The following LRRC4C variants were observed in gnomAD, a reference collection of about 807,000 sequenced individuals.
LRRC4C encodes the protein leucine rich repeat containing 4C, also known as leucine-rich repeat-containing protein 4C.
In LRRC4C, 5 loss-of-function variants were observed where a neutral mutation model predicts 33.6. That is an observed-to-expected ratio of 0.15 (90% CI 0.08 to 0.31). The LOEUF (loss-of-function observed/expected upper bound fraction) is 0.31, where lower values mean the gene tolerates loss of function less well. Among genes scored for constraint, LRRC4C ranks in the 10% least tolerant of loss-of-function variants. LRRC4C has a pLI of 1.00. For missense variants in LRRC4C, 560 were observed against 796.7 expected (o/e 0.70, Z 3.58); for synonymous variants, 329 against 302.0 (o/e 1.09, Z -0.93).
intron 3 of LRRC4C, among the ~76,000 whole-genome samples, chr11:40,517,439 C>T (rs553377856): frequency 7.8e-4 from 119 of 152,202 alleles, no homozygotes; most frequent in Admixed American, 2.2e-3. Flanking sequence ...AAGAGGACAG[C>T]GGAAATTTCA....
chr11:40,674,237 CA>C lies in LRRC4C; in HGVS notation c.-406-25960del, dbSNP rs111282264. Among the ~76,000 whole-genome samples the C allele has an allele frequency of 8.6e-3, 1,312 of 152,124 alleles. 13 individuals carry two copies. The highest frequency in any genetic ancestry group is 0.027 in the Middle Eastern group (8 of 294). ...GATGATGTGAGACTAGACTAAATGTCAAAAAAACTACCCAGCTTTTATATCA... is the reference window on the plus strand; with the variant it reads ...GATGATGTGAGACTAGACTAAATGTCAAAAAACTACCCAGCTTTTATATCA... On this transcript the variant is annotated intron_variant, in intron 2 of 6. Coordinates refer to ENST00000528697, the MANE Select transcript of LRRC4C (RefSeq NM_001258419.2).
intron 1 of LRRC4C, among the ~76,000 whole-genome samples, chr11:40,964,639 T>C (rs1331914270): frequency 1.3e-5 from 2 of 151,552 alleles, no homozygotes; most frequent in African/African-American, 4.8e-5. Context: ...TTTGTCCTTG[T>C]GATAGTTTGC....
chr11:40,967,071 AT>A (rs1380903897), intron 1 of LRRC4C, among the ~76,000 whole-genome samples: 4 of 152,028 alleles, frequency 2.6e-5, no homozygotes, highest in African/African-American at 9.7e-5. Context: ...AAATAAAGAC[AT>A]TTATCATTCA....
intron 2 of LRRC4C, among the ~76,000 whole-genome samples, chr11:40,739,003 G>T (rs1210086128): frequency 2.2e-5 from 3 of 134,540 alleles, no homozygotes; most frequent in African/African-American, 8.3e-5. Flanking sequence ...GCACATAATT[G>T]CTATTGTGTG....
intron 1 of LRRC4C, among the ~76,000 whole-genome samples, chr11:41,014,891 A>T (rs187743543): frequency 2.2e-4 from 34 of 152,324 alleles, no homozygotes; most frequent in Admixed American, 1.8e-3. Flanking sequence ...ACTCGGATGT[A>T]GACACGTAAC....
At chr11:41,432,131 G>C (rs1460717768) in intron 1 of LRRC4C, among the ~76,000 whole-genome samples, 2 of 152,154 alleles carry the variant, frequency 1.3e-5, no homozygotes, top group African/African-American at 4.8e-5. Context: ...AAAGGAGACA[G>C]TAGATAATAA....
chr11:40,771,840 C>G (rs762393861), intron 2 of LRRC4C, among the ~76,000 whole-genome samples: 2 of 152,132 alleles, frequency 1.3e-5, no homozygotes. Flanking sequence ...GCATTTTAGT[C>G]AAAGCCATTC....
At chr11:40,433,839 G>A (rs929062121) in intron 3 of LRRC4C, among the ~76,000 whole-genome samples, 1 of 149,958 alleles carries the variant, frequency 6.7e-6, no homozygotes, top group Admixed American at 6.6e-5. Context: ...TCCTGCAAAT[G>A]AGGAGAAGAA....
chr11:41,322,359 A>G (rs1391423647), intron 1 of LRRC4C, among the ~76,000 whole-genome samples: 13 of 152,096 alleles, frequency 8.5e-5, no homozygotes. Flanking sequence ...TACCCTCTGC[A>G]AAATTGTAAT....
rs76552806 is a variant in LRRC4C at position 40,434,657 on chromosome 11, T to C, written c.-269-114936A>G. ...AGACCTACACTTATCTTTTCTGCTA[T>C]ATCTGCAGGCTCCATGCACAGTTGT... On this transcript the variant is annotated intron_variant, in intron 3 of 6. Coordinates refer to ENST00000528697, the MANE Select transcript of LRRC4C (RefSeq NM_001258419.2). Among the ~76,000 whole-genome samples, 171 of 152,352 alleles carry C rather than the reference T, an allele frequency of 1.1e-3. 6 individuals are homozygous for C. In the East Asian group the frequency reaches 0.028, roughly 25 times the overall value.
intron 1 of LRRC4C, among the ~76,000 whole-genome samples, chr11:41,233,974 T>G (rs933631598): frequency 6.6e-6 from 1 of 151,832 alleles, no homozygotes; most frequent in African/African-American, 2.4e-5. Context: ...AAGCTTTTTT[T>G]TTTTTTTAAG....
Position 40,234,589 on chromosome 11 carries a change from T to C in LRRC4C, c.-96+6930A>G, listed in dbSNP as rs546116212. Among the ~76,000 whole-genome samples, 4 of 152,222 alleles carry C rather than the reference T, an allele frequency of 2.6e-5. No individual in the cohort carries two copies. The East Asian group carries it at 7.7e-4, about 29-fold the overall frequency. On this transcript the variant is annotated intron_variant, in intron 5 of 6. Transcript: ENST00000528697. ...TTCTAGAGCAGCCTGGGTGACATAG[T>C]GAGACCCCATCTCTACCAAAAAATT...
intron 1 of LRRC4C, among the ~76,000 whole-genome samples, chr11:41,280,402 A>G (rs1301825049): frequency 1.3e-5 from 2 of 152,192 alleles, no homozygotes; most frequent in African/African-American, 4.8e-5. Flanking sequence ...CTATTCACCA[A>G]GAAGGCTAAT....
At chr11:40,410,825 A>G (rs1286164577) in intron 3 of LRRC4C, among the ~76,000 whole-genome samples, 2 of 152,154 alleles carry the variant, frequency 1.3e-5, no homozygotes, top group African/African-American at 4.8e-5. Flanking sequence ...TTTTTGCTAT[A>G]GAGATAATTT....
At chr11:40,496,760 T>C (rs927123787) in intron 3 of LRRC4C, among the ~76,000 whole-genome samples, 5 of 152,170 alleles carry the variant, frequency 3.3e-5, no homozygotes, top group African/African-American at 1.2e-4. Context: ...AGATGAGTGA[T>C]GGTTAGGGTT....
chr11:41,444,874 G>A (rs1163368175), intron 1 of LRRC4C, among the ~76,000 whole-genome samples: 1 of 151,062 alleles, frequency 6.6e-6, no homozygotes. Flanking sequence ...CATGATCTCA[G>A]CTCACTGCAA....
chr11:40,826,378 T>C (rs1156468246), intron 2 of LRRC4C, among the ~76,000 whole-genome samples: 2 of 151,940 alleles, frequency 1.3e-5, no homozygotes, highest in Non-Finnish European at 2.9e-5. Flanking sequence ...CACCAATTAC[T>C]GTGAATAGAG....
intron 1 of LRRC4C, among the ~76,000 whole-genome samples, chr11:41,438,443 T>C (rs1332212482): frequency 6.6e-6 from 1 of 152,206 alleles, no homozygotes; most frequent in Non-Finnish European, 1.5e-5. Flanking sequence ...ACTGAGATGG[T>C]GACCTTGTAG....
At position 41,155,028 on chromosome 11, in the gene LRRC4C, G is replaced by T. The variant is rs12290949; in HGVS notation, c.-495-221305C>A. Among the ~76,000 whole-genome samples the T allele has an allele frequency of 4.2e-3, 640 of 152,192 alleles. 3 individuals carry two copies. Among genetic ancestry groups the T allele is most frequent in the African/African-American group, 0.014 (573 of 41,540 alleles). ...AAGAGGTGGCAACAATTATTTAACTGGTTTGTATTAGAAATTATATTAGAA... is the reference window on the plus strand; with the variant it reads ...AAGAGGTGGCAACAATTATTTAACTTGTTTGTATTAGAAATTATATTAGAA... On this transcript the variant is annotated intron_variant, in intron 1 of 6. Transcript: ENST00000528697.
Sources: gnomAD v4.1 joint callset for allele counts (sites outside exome capture counted in the v4.1 genomes callset) on GRCh38, gnomAD v4.1.1 for gene constraint, MANE v1.5 for transcripts, NCBI Gene and HGNC (gene_info 2026-07-23, HGNC 2026-07-21) for gene names.